The following PCDHGA8 variants were observed in gnomAD, a reference collection of about 807,000 sequenced individuals.
PCDHGA8 encodes protocadherin gamma subfamily A, 8, also known as protocadherin gamma-A8.
A neutral mutation model predicts 59.2 loss-of-function variants in PCDHGA8; 45 were observed. The ratio of observed to expected loss-of-function variants is 0.76; its 90% confidence interval spans 0.60 to 0.98. The LOEUF is 0.98. PCDHGA8 is among the 50% of genes least tolerant of loss of function. The pLI is 0.00. For missense variants in PCDHGA8, 1,257 were observed against 1,196.2 expected, an observed-to-expected ratio of 1.05 and a Z score of -0.75; for synonymous variants, 531 against 519.0, an observed-to-expected ratio of 1.02 and a Z score of -0.32.
At chr5:141,471,932 A>T (rs1015576042) in intron 1 of PCDHGA8, among the ~76,000 whole-genome samples, 1 of 152,158 alleles carries the variant, frequency 6.6e-6, no homozygotes, top group Non-Finnish European at 1.5e-5. Context: ...GGGGGTGATG[A>T]GAGTTTTCTA....
chr5:141,430,910 G>C, intron 1 of PCDHGA8: 2 of 1,608,040 alleles, frequency 1.2e-6, no homozygotes, highest in South Asian at 1.1e-5. Context: ...CATCTCCAGG[G>C]ACCTGGGGCT....
chr5:141,445,564 G>A (rs564704836), intron 1 of PCDHGA8, among the ~76,000 whole-genome samples: 20 of 152,306 alleles, frequency 1.3e-4, no homozygotes, highest in Admixed American at 1.2e-3. Context: ...CTAAGAGAAA[G>A]CTTATAGTAG....
In PCDHGA8 at chr5:141,486,341, C is replaced by T; in HGVS notation, c.2425-8466C>T. On this transcript the variant is annotated intron_variant, in intron 1 of 3. Coordinates refer to ENST00000398604, the MANE Select transcript of PCDHGA8 (RefSeq NM_032088.2). The surrounding 1 kb of genome is among the most constrained non-coding windows in gnomAD (Gnocchi z 5.0). ...AAACGGAGATGTGAGCCTCCGCATTCCTGACCACTTGCCATTTGCCCTCAA... is the reference window on the plus strand; with the variant it reads ...AAACGGAGATGTGAGCCTCCGCATTTCTGACCACTTGCCATTTGCCCTCAA... The T allele has an allele frequency of 6.2e-7, 1 of 1,614,128 alleles. No individual in the cohort carries two copies. Among genetic ancestry groups the T allele is most frequent in the Non-Finnish European group, 8.5e-7 (1 of 1,179,992 alleles).
intron 1 of PCDHGA8, chr5:141,430,655 G>T (rs1309165721): frequency 1.6e-5 from 17 of 1,084,938 alleles, no homozygotes; most frequent in Non-Finnish European, 2.2e-5. Flanking sequence ...TGGAAACAAC[G>T]GAGGAGCTCT....
chr5:141,498,265 T>G (rs2099782779), intron 2 of PCDHGA8, among the ~76,000 whole-genome samples: 2 of 152,010 alleles, frequency 1.3e-5, no homozygotes, highest in Non-Finnish European at 2.9e-5. Context: ...TGTTGAGTTC[T>G]TCAGTAAACT....
At chr5:141,419,939 G>T in intron 1 of PCDHGA8, 1 of 1,614,054 alleles carries the variant, frequency 6.2e-7, no homozygotes. Flanking sequence ...TTACCTGGTG[G>T]TGGCCTTGGC....
intron 1 of PCDHGA8, among the ~76,000 whole-genome samples, chr5:141,468,798 G>A (rs895012127): frequency 7.9e-5 from 12 of 151,646 alleles, no homozygotes; most frequent in East Asian, 2.0e-4. Context: ...CCCGGGAGGC[G>A]GAACTTGCAG....
chr5:141,405,595 A>C (rs1255161296), intron 1 of PCDHGA8: 1 of 578,138 alleles, frequency 1.7e-6, no homozygotes, highest in Non-Finnish European at 3.1e-6. Flanking sequence ...CAGGCCTCCC[A>C]AGTAGAATAA....
At chr5:141,468,837 G>T in intron 1 of PCDHGA8, among the ~76,000 whole-genome samples, 1 of 152,108 alleles carries the variant, frequency 6.6e-6, no homozygotes, top group South Asian at 2.1e-4. Flanking sequence ...CTGCACTCCA[G>T]CCTGGGCAAC....
chr5:141,421,251 G>C (rs771398829), intron 1 of PCDHGA8: 1 of 1,606,888 alleles, frequency 6.2e-7, no homozygotes, highest in Non-Finnish European at 8.5e-7. Context: ...TACAGCGCGG[G>C]GACCGCAGTC....
At chr5:141,450,006 CTTTTTT>C (rs1554136305) in intron 1 of PCDHGA8, among the ~76,000 whole-genome samples, 7,115 of 132,964 alleles carry the variant, frequency 0.054, 434 homozygotes, top group African/African-American at 0.14. Flanking sequence ...TGCCATGTCT[CTTTTTT>C]TTTTTTTTTT....
At position 141,392,652 on chromosome 5, in the gene PCDHGA8, A is replaced by T; in HGVS notation, c.-162A>T. On this transcript the variant is annotated 5_prime_UTR_variant, in exon 1 of 4. Transcript: ENST00000398604. ...GATCTCACACCTCACGAAGACCCGC[A>T]GATGCCACAAACTAACTGCTGGACT... is the stretch of plus-strand genomic sequence containing the variant. The T allele has an allele frequency of 1.4e-6, 1 of 713,126 alleles. No individual in the cohort carries two copies. Among genetic ancestry groups the T allele is most frequent in the South Asian group, 2.2e-5 (1 of 45,138 alleles). The allele number at this position is 713,126 out of a possible 1,614,324, so 44.2% of individuals were successfully genotyped here. A position where few individuals can be genotyped will look rare whatever the true frequency, so the allele number is the denominator to read the frequency against.
rs558074504 is a variant in PCDHGA8, at chr5:141,489,065, C to G, written c.2425-5742C>G. On this transcript the variant is annotated intron_variant, in intron 1 of 3. Coordinates refer to ENST00000398604, the MANE Select transcript of PCDHGA8 (RefSeq NM_032088.2). This position sits in a 1 kb window ranked among gnomAD's most constrained non-coding sequence, Gnocchi z 4.5. ...CCACTCAAATTCAGCTCCCCTCCCC[C>G]CTGCCCACCCCCGCCACTCGGTGAC... is the stretch of plus-strand genomic sequence containing the variant. The G allele has an allele frequency of 1.5e-4, 57 of 389,046 alleles. No homozygotes were observed. Among genetic ancestry groups the G allele is most frequent in the African/African-American group, 8.5e-4 (40 of 47,278 alleles). 24.1% of individuals were successfully genotyped at this position (389,046 alleles called of 1,614,324 possible).
intron 1 of PCDHGA8, chr5:141,404,904 AG>A: frequency 3.1e-6 from 5 of 1,613,864 alleles, no homozygotes; most frequent in Non-Finnish European, 4.2e-6. Flanking sequence ...GACCATGGCC[AG>A]CCCCCTCTCT....
rs1408454981 is a variant in PCDHGA8, at chr5:141,489,682, T to C, written c.2425-5125T>C. The C allele has an allele frequency of 6.2e-7, 1 of 1,614,184 alleles. No individual in the cohort carries two copies. The highest frequency in any genetic ancestry group is 8.5e-7 in the Non-Finnish European group (1 of 1,180,024). On this transcript the variant is annotated intron_variant, in intron 1 of 3. Transcript: ENST00000398604. This position sits in a 1 kb window ranked among gnomAD's most constrained non-coding sequence, Gnocchi z 4.5. ...GATGCGCATCTCAGAATCAGCAGCATCTGGGGCACGATTCCCACTGGACAG... is the reference window on the plus strand; with the variant it reads ...GATGCGCATCTCAGAATCAGCAGCACCTGGGGCACGATTCCCACTGGACAG...
rs192631651 is a variant in PCDHGA8 at position 141,432,052 on chromosome 5, C to T, written c.2424+36815C>T. On this transcript the variant is annotated intron_variant, in intron 1 of 3. Transcript: ENST00000398604. This position sits in a 1 kb window ranked among gnomAD's most constrained non-coding sequence, Gnocchi z 6.0. ...CCGCCACTGACCGGGGAACCCCGCC[C>T]CTATCCACGGAAACTCATATCTCGC... is the stretch of plus-strand genomic sequence containing the variant. The T allele has an allele frequency of 1.2e-6, 2 of 1,614,108 alleles. No individual in the cohort carries two copies. The highest frequency in any genetic ancestry group is 1.3e-5 in the African/African-American group (1 of 74,930).
chr5:141,395,095 C>G lies in PCDHGA8; in HGVS notation c.2282C>G (p.Ala761Gly). Residue 761 changes from alanine to glycine, a missense_variant, in exon 1 of 4, where the codon GCC (alanine) becomes GGC (glycine). By Grantham distance (60) the Ala-to-Gly change is moderately conservative. Transcript: ENST00000398604. The part of the protein sequence containing the change: ...QTYSQEVSLT[A>G]DSRKSHLIFP... The stretch of plus-strand genomic sequence containing the variant: ...TATTCCCAGGAAGTCTCCCTCACCG[C>G]CGACTCGCGGAAGAGTCACCTGATC... 6.2e-7 allele frequency: 1 copy of G among 1,614,174 alleles called. No individual in the cohort carries two copies. Among genetic ancestry groups the G allele is most frequent in the Non-Finnish European group, 8.5e-7 (1 of 1,180,042 alleles).
intron 1 of PCDHGA8, chr5:141,478,217 G>A: frequency 2.5e-6 from 4 of 1,614,094 alleles, no homozygotes. Flanking sequence ...TCTAATCCTG[G>A]TTTCTGTGGG....
chr5:141,507,504 C>T (rs1443873775), intron 3 of PCDHGA8, among the ~76,000 whole-genome samples: 1 of 152,138 alleles, frequency 6.6e-6, no homozygotes, highest in Admixed American at 6.5e-5. Flanking sequence ...TGTCCCAGGT[C>T]TGGTGGGGCT....
Sources: gnomAD v4.1 joint callset for allele counts (sites outside exome capture counted in the v4.1 genomes callset) on GRCh38, gnomAD v4.1.1 for gene constraint, Gnocchi (gnomAD v3.1) non-coding constraint, MANE v1.5 for transcripts, NCBI Gene and HGNC (gene_info 2026-07-23, HGNC 2026-07-21) for gene names.